The following IL1RAPL2 variants were observed in gnomAD, a reference collection of about 807,000 sequenced individuals.
The protein encoded by IL1RAPL2 is interleukin 1 receptor accessory protein like 2, also known as X-linked interleukin-1 receptor accessory protein-like 2.
Under a neutral mutation model 44.1 loss-of-function variants are expected in IL1RAPL2, and 3 were observed. The ratio of observed to expected loss-of-function variants is 0.07; its 90% CI spans 0.03 to 0.18. The LOEUF (loss-of-function observed/expected upper bound fraction) is 0.18, where lower values mean the gene tolerates loss of function less well. Ranked by LOEUF, IL1RAPL2 falls within the 10% of genes least tolerant of loss-of-function variation. IL1RAPL2 has a pLI of 1.00. For missense variants in IL1RAPL2, 391 were observed against 496.4 expected, an observed-to-expected ratio of 0.79 and a Z score of 2.02; for synonymous variants, 181 against 178.8, an observed-to-expected ratio of 1.01 and a Z score of -0.10.
At chrX:104,723,520 G>A (rs749686492) in intron 2 of IL1RAPL2, among the ~76,000 whole-genome samples, 2 of 110,157 alleles carry the variant, frequency 1.8e-5, no homozygotes, top group African/African-American at 6.6e-5. Flanking sequence ...ATGTAACAAA[G>A]GAGGTGAGGT....
intron 6 of IL1RAPL2, among the ~76,000 whole-genome samples, chrX:105,559,560 G>T (rs1251452866): frequency 9.0e-6 from 1 of 111,267 alleles, no homozygotes; most frequent in African/African-American, 3.3e-5. Context: ...GTTATATAGG[G>T]GAATCTCTGG....
intron 2 of IL1RAPL2, among the ~76,000 whole-genome samples, chrX:104,891,085 G>A (rs1206141915): frequency 9.0e-6 from 1 of 111,411 alleles, no homozygotes; most frequent in South Asian, 3.8e-4. Context: ...TTTTTGTCAG[G>A]TTTGTCAAAG....
chrX:105,523,344 C>T, intron 6 of IL1RAPL2, among the ~76,000 whole-genome samples: 1 of 111,416 alleles, frequency 9.0e-6, no homozygotes, highest in South Asian at 3.7e-4. Flanking sequence ...CTCTCTCAGC[C>T]TCAGTTTTCA....
At chrX:105,211,049 G>A (rs1361227336) in intron 3 of IL1RAPL2, among the ~76,000 whole-genome samples, 1 of 108,646 alleles carries the variant, frequency 9.2e-6, no homozygotes, top group African/African-American at 3.4e-5. Context: ...TCTGAAAGTT[G>A]ATTTCCCACT....
At position 104,887,481 on chromosome X, in the gene IL1RAPL2, T is replaced by C. The variant is rs1328148268; in HGVS notation, c.82+228486T>C. 2.7e-5 allele frequency among the ~76,000 whole-genome samples: 3 copies of C among 111,756 alleles called. No homozygotes were observed. In the Admixed American group the frequency reaches 2.9e-4, roughly 11 times the overall value. Reference sequence around the variant, plus strand: ...TTAAGAGTAGTTGCAGCAGTGGCCATCTTAGTGTCAGAGGCTATCAAAATA... The same window carrying C: ...TTAAGAGTAGTTGCAGCAGTGGCCACCTTAGTGTCAGAGGCTATCAAAATA... On this transcript the variant is annotated intron_variant, in intron 2 of 10. Transcript: ENST00000372582.
chrX:105,008,204 G>T (rs979441976), intron 2 of IL1RAPL2, among the ~76,000 whole-genome samples: 1 of 110,372 alleles, frequency 9.1e-6, no homozygotes, highest in Non-Finnish European at 1.9e-5. Context: ...TAATACAGAG[G>T]AAAAGGGAGC....
intron 2 of IL1RAPL2, among the ~76,000 whole-genome samples, chrX:104,818,122 C>T (rs776299185): frequency 1.9e-3 from 208 of 109,469 alleles, no homozygotes; most frequent in Non-Finnish European, 3.2e-3. Context: ...TTTGGGAGGC[C>T]GAGGCGGGAG....
At chrX:105,381,017 G>A (rs1238257465) in intron 5 of IL1RAPL2, among the ~76,000 whole-genome samples, 8 of 111,296 alleles carry the variant, frequency 7.2e-5, no homozygotes, top group Middle Eastern at 4.6e-3. Context: ...CTTGCTGTGG[G>A]CGAAATGCTA....
intron 2 of IL1RAPL2, among the ~76,000 whole-genome samples, chrX:105,099,250 T>G (rs1377839982): frequency 9.0e-6 from 1 of 111,057 alleles, no homozygotes; most frequent in Non-Finnish European, 1.9e-5. Flanking sequence ...CATGTTGCTA[T>G]TAAAAAATAG....
At chrX:105,615,128 G>T (rs1216944918) in intron 6 of IL1RAPL2, among the ~76,000 whole-genome samples, 2 of 111,877 alleles carry the variant, frequency 1.8e-5, no homozygotes, top group Non-Finnish European at 3.8e-5. Flanking sequence ...ACTACAATAA[G>T]ATATCATCTC....
At chrX:105,354,168 T>C (rs1200805053) in intron 5 of IL1RAPL2, among the ~76,000 whole-genome samples, 1 of 111,176 alleles carries the variant, frequency 9.0e-6, no homozygotes, top group Non-Finnish European at 1.9e-5. Context: ...ACCCAAAGGA[T>C]TATAAATCAT....
At chrX:104,836,622 G>T (rs1439100098) in intron 2 of IL1RAPL2, among the ~76,000 whole-genome samples, 1 of 110,356 alleles carries the variant, frequency 9.1e-6, no homozygotes, top group Non-Finnish European at 1.9e-5. Context: ...CAGAAATAAT[G>T]TATCCTATAT....
intron 1 of IL1RAPL2, among the ~76,000 whole-genome samples, chrX:104,617,674 A>T (rs1929305889): frequency 8.9e-6 from 1 of 112,088 alleles, no homozygotes; most frequent in Non-Finnish European, 1.9e-5. Flanking sequence ...GAAGTTCCTT[A>T]ACTGAGTTTT....
At chrX:105,223,257 A>T (rs2033984120) in intron 3 of IL1RAPL2, among the ~76,000 whole-genome samples, 2 of 111,618 alleles carry the variant, frequency 1.8e-5, no homozygotes, top group Non-Finnish European at 3.8e-5. Flanking sequence ...AAGATGTAGT[A>T]TTGAGAGGTG....
chrX:104,936,549 C>A (rs1288626304), intron 2 of IL1RAPL2, among the ~76,000 whole-genome samples: 1 of 107,700 alleles, frequency 9.3e-6, no homozygotes, highest in Admixed American at 1.0e-4. Flanking sequence ...TCTATAGAAG[C>A]AAAAATATTT....
intron 2 of IL1RAPL2, among the ~76,000 whole-genome samples, chrX:104,675,885 G>A (rs1245210033): frequency 9.4e-6 from 1 of 106,447 alleles, no homozygotes; most frequent in Non-Finnish European, 2.0e-5. Flanking sequence ...ATCTCTGTTG[G>A]TTTAAAGTCT....
At chrX:104,882,598 ATGGACCAATCAGCACTCTGTAAAAG>A (rs1291984060) in intron 2 of IL1RAPL2, among the ~76,000 whole-genome samples, 6 of 111,398 alleles carry the variant, frequency 5.4e-5, no homozygotes, top group East Asian at 5.6e-4. Context: ...ACTCTGTAAA[ATGGACCAATCAGCACTCTGTAAAAG>A]TGGACCAATC....
At chrX:104,943,951 T>TGTCAGGAAATA (rs2147704535) in intron 2 of IL1RAPL2, among the ~76,000 whole-genome samples, 1 of 112,069 alleles carries the variant, frequency 8.9e-6, no homozygotes, top group African/African-American at 3.2e-5. Context: ...AATAATACTA[T>TGTCAGGAAATA]GTCAGGAAAT....
At chrX:104,827,824 C>A (rs1470758043) in intron 2 of IL1RAPL2, among the ~76,000 whole-genome samples, 1 of 111,450 alleles carries the variant, frequency 9.0e-6, no homozygotes, top group Non-Finnish European at 1.9e-5. Flanking sequence ...TTGTTCATTC[C>A]ATTTCATTAT....
Sources: allele counts gnomAD v4.1 joint callset (sites outside exome capture counted in the v4.1 genomes callset), GRCh38; gene constraint gnomAD v4.1.1; transcripts MANE v1.5; gene names NCBI Gene and HGNC (gene_info 2026-07-23, HGNC 2026-07-21).